Variants in SIPA1L2 observed in about 807,000 individuals in gnomAD.
SIPA1L2 encodes the protein signal-induced proliferation-associated 1-like protein 2.
A neutral mutation model predicts 163.9 loss-of-function variants in SIPA1L2; 56 were observed. That is an observed-to-expected ratio of 0.34 (90% CI 0.28 to 0.43). The LOEUF (loss-of-function observed/expected upper bound fraction) is 0.43, where lower values mean the gene tolerates loss of function less well. SIPA1L2 is among the 20% of genes least tolerant of loss of function. The probability of loss-of-function intolerance (pLI) is 1.00; values close to 1 mark genes in which losing one functional copy is unlikely to be tolerated. For missense variants in SIPA1L2, 1,974 were observed against 2,193.5 expected, an observed-to-expected ratio of 0.90 and a Z score of 2.00; for synonymous variants, 877 against 865.7, an observed-to-expected ratio of 1.01 and a Z score of -0.23.
At chr1:232,463,558 C>A (rs147588058) in intron 9 of SIPA1L2, among the ~76,000 whole-genome samples, 7 of 152,102 alleles carry the variant, frequency 4.6e-5, no homozygotes, top group African/African-American at 1.7e-4. Flanking sequence ...TGGAGTCCAT[C>A]GAATAGCAAA....
In SIPA1L2 at chr1:232,479,512, A is replaced by C. The variant is rs1367185589; in HGVS notation, c.2085+115T>G. The C allele has an allele frequency of 1.5e-5, 12 of 805,502 alleles. No homozygotes were observed. The South Asian group carries it at 1.7e-4, about 11-fold the overall frequency. 49.9% of individuals were successfully genotyped at this position (805,502 alleles called of 1,614,324 possible). On this transcript the variant is annotated intron_variant, in intron 7 of 22. Coordinates refer to ENST00000674635, the MANE Select transcript of SIPA1L2 (RefSeq NM_020808.5). ...CAAAGAGTCAAAGATGATTAATGCT[A>C]TTCAAGAAAAACCCTCACTGATTCT...
intron 2 of SIPA1L2, among the ~76,000 whole-genome samples, chr1:232,535,552 T>G (rs1264722352): frequency 1.3e-5 from 2 of 152,218 alleles, no homozygotes; most frequent in African/African-American, 4.8e-5. Flanking sequence ...AGAAAAGTTT[T>G]CAGTTACAAA....
At chr1:232,446,621 GACCAAAAGAACTAGGCCATGT>G (rs1663232174) in intron 10 of SIPA1L2, among the ~76,000 whole-genome samples, 1 of 152,228 alleles carries the variant, frequency 6.6e-6, no homozygotes, top group Non-Finnish European at 1.5e-5. Flanking sequence ...CAGTCTTAGT[GACCAAAAGAACTAGGCCATGT>G]CTGTGTTCAA....
At chr1:232,513,350 T>G (rs1179127156) in intron 3 of SIPA1L2, among the ~76,000 whole-genome samples, 1 of 152,216 alleles carries the variant, frequency 6.6e-6, no homozygotes, top group Non-Finnish European at 1.5e-5. Flanking sequence ...AAAACAAAAT[T>G]TGTCTGTTGT....
At chr1:232,513,461 C>T (rs1341900716) in intron 3 of SIPA1L2, among the ~76,000 whole-genome samples, 2 of 152,098 alleles carry the variant, frequency 1.3e-5, no homozygotes, top group Non-Finnish European at 2.9e-5. Flanking sequence ...GAGGGAAACA[C>T]AGAATTTTCC....
At chr1:232,572,195 C>T (rs1242188781) in intron 2 of SIPA1L2, among the ~76,000 whole-genome samples, 1 of 152,140 alleles carries the variant, frequency 6.6e-6, no homozygotes, top group Non-Finnish European at 1.5e-5. Flanking sequence ...CCAGCTGTGT[C>T]CGGGCAGCAT....
chr1:232,563,249 G>C (rs539013189), intron 2 of SIPA1L2, among the ~76,000 whole-genome samples: 1 of 152,314 alleles, frequency 6.6e-6, no homozygotes, highest in African/African-American at 2.4e-5. Flanking sequence ...GAATAGAAAA[G>C]AAAACTAAAT....
chr1:232,519,192 T>A lies in SIPA1L2; in HGVS notation c.-269-3584A>T, dbSNP rs547134013. On this transcript the variant is annotated intron_variant, in intron 2 of 22. Coordinates refer to ENST00000674635, the MANE Select transcript of SIPA1L2 (RefSeq NM_020808.5). ...CAGCCAAATGAGGTGATTACAGACA[T>A]GTCTTCTAATTGTATACAAAGAAAA... Among the ~76,000 whole-genome samples, 19 of 152,302 alleles carry A rather than the reference T, an allele frequency of 1.2e-4. No homozygotes were observed. In the South Asian group the frequency reaches 2.5e-3, roughly 20 times the overall value.
Position 232,603,037 on chromosome 1 carries a change from C to T in SIPA1L2, c.-319+26832G>A, listed in dbSNP as rs73099510. ...GCAGGGGGGATAAAAAAGACAGATT[C>T]GAAGGCATTTCTGATGCAGAATTAG... On this transcript the variant is annotated intron_variant, in intron 1 of 22. Transcript: ENST00000674635. Among the ~76,000 whole-genome samples, 1,168 of 152,192 alleles carry T rather than the reference C, an allele frequency of 7.7e-3. 18 individuals carry two copies. The highest frequency in any genetic ancestry group is 0.025 in the African/African-American group (1,049 of 41,532).
intron 5 of SIPA1L2, among the ~76,000 whole-genome samples, chr1:232,488,943 T>G (rs1301755920): frequency 1.3e-5 from 2 of 152,186 alleles, no homozygotes; most frequent in African/African-American, 4.8e-5. Context: ...TAAAATAGGC[T>G]GATGAGGATA....
At chr1:232,487,614 T>C (rs1284588305) in intron 5 of SIPA1L2, among the ~76,000 whole-genome samples, 1 of 152,156 alleles carries the variant, frequency 6.6e-6, no homozygotes, top group Non-Finnish European at 1.5e-5. Context: ...TTAAATACAT[T>C]GGGATAGCCT....
intron 1 of SIPA1L2, among the ~76,000 whole-genome samples, chr1:232,610,270 G>T (rs754354773): frequency 2.6e-5 from 4 of 152,148 alleles, no homozygotes; most frequent in Non-Finnish European, 5.9e-5. Context: ...AAGGACACTT[G>T]AGTTCCTTCA....
intron 3 of SIPA1L2, among the ~76,000 whole-genome samples, chr1:232,503,767 T>C (rs576988100): frequency 6.6e-4 from 100 of 152,390 alleles, no homozygotes; most frequent in Non-Finnish European, 2.1e-4. Flanking sequence ...AGTTAAATGC[T>C]CTTTCAATTC....
chr1:232,495,915 G>A (rs1666163537), intron 3 of SIPA1L2, among the ~76,000 whole-genome samples: 1 of 152,194 alleles, frequency 6.6e-6, no homozygotes, highest in African/African-American at 2.4e-5. Flanking sequence ...ATTGTACAAT[G>A]TGTGCATTAA....
Position 232,448,200 on chromosome 1 carries a change from A to C in SIPA1L2, c.3096-2414T>G, listed in dbSNP as rs971223200. Among the ~76,000 whole-genome samples, 9 of 152,324 alleles carry C rather than the reference A, an allele frequency of 5.9e-5. No individual in the cohort carries two copies. The East Asian group carries it at 1.7e-3, about 29-fold the overall frequency. Reference sequence around the variant, plus strand: ...TGCCTAAGGTTCCCACCAACTGCACAGTGCAAGGCGTACTCTTAACTTGAC... The same window carrying C: ...TGCCTAAGGTTCCCACCAACTGCACCGTGCAAGGCGTACTCTTAACTTGAC... On this transcript the variant is annotated intron_variant, in intron 10 of 22. Coordinates refer to ENST00000674635, the MANE Select transcript of SIPA1L2 (RefSeq NM_020808.5).
chr1:232,493,378 C>T (rs935733331), intron 4 of SIPA1L2, 149 bp downstream of exon 4: 2 of 1,088,648 alleles, frequency 1.8e-6, no homozygotes, highest in Admixed American at 2.4e-5. Flanking sequence ...GAATAAAATA[C>T]TGCAATGCCC....
At chr1:232,413,752 G>C (rs1486801395) in intron 19 of SIPA1L2, among the ~76,000 whole-genome samples, 1 of 152,144 alleles carries the variant, frequency 6.6e-6, no homozygotes, top group African/African-American at 2.4e-5. Context: ...TAAGAGACAG[G>C]CATGAGAATG....
intron 1 of SIPA1L2, among the ~76,000 whole-genome samples, chr1:232,604,797 T>G (rs900402160): frequency 6.6e-6 from 1 of 152,084 alleles, no homozygotes; most frequent in African/African-American, 2.4e-5. Context: ...TAAATGTGTG[T>G]GGCACATAAC....
chr1:232,553,498 T>G (rs1658522751), intron 2 of SIPA1L2, among the ~76,000 whole-genome samples: 1 of 152,194 alleles, frequency 6.6e-6, no homozygotes, highest in East Asian at 1.9e-4. Flanking sequence ...AGAACTGCCC[T>G]CTTCTACCCA....
Sources: allele counts gnomAD v4.1 joint callset (sites outside exome capture counted in the v4.1 genomes callset), GRCh38; gene constraint gnomAD v4.1.1; transcripts MANE v1.5; gene names NCBI Gene and HGNC (gene_info 2026-07-23, HGNC 2026-07-21).